Variants in FSD1L observed in about 807,000 individuals in gnomAD.
FSD1L encodes FSD1-like protein.
Under a neutral mutation model 71.6 loss-of-function variants are expected in FSD1L, and 45 were observed. The observed-to-expected ratio is 0.63, with a 90% CI of 0.49 to 0.81. The LOEUF (loss-of-function observed/expected upper bound fraction) is 0.81. FSD1L is among the 30% of genes least tolerant of loss of function. The pLI is 0.00. For missense variants in FSD1L, 561 were observed against 618.1 expected (o/e 0.91, Z 0.98); for synonymous variants, 197 against 207.2 (o/e 0.95, Z 0.42).
At chr9:105,508,785 C>A in intron 9 of FSD1L, 70 bp downstream of exon 9, 2 of 890,546 alleles carry the variant, frequency 2.2e-6, no homozygotes, top group Non-Finnish European at 3.4e-6. Flanking sequence ...AACTTTGTAA[C>A]AGGAAGCACT....
At chr9:105,496,872 A>T (rs558009567) in intron 7 of FSD1L, among the ~76,000 whole-genome samples, 80 of 152,348 alleles carry the variant, frequency 5.3e-4, no homozygotes, top group African/African-American at 1.9e-3. Context: ...GTATTGTCGT[A>T]CTGCATTACC....
rs537728402 is a variant in FSD1L, at chr9:105,545,213, A to T, written c.1468-1145A>T. Among the ~76,000 whole-genome samples, 1,315 of 146,910 alleles carry T rather than the reference A, an allele frequency of 9.0e-3. 94 individuals carry two copies. Among genetic ancestry groups the T allele is most frequent in the African/African-American group, 0.033 (1,258 of 37,946 alleles). Reference sequence around the variant, plus strand: ...AATTGTGAATGGGAGTTCACTCATGATTTGGCTCTCTGTTTGTTATTGGTG... The same window carrying T: ...AATTGTGAATGGGAGTTCACTCATGTTTTGGCTCTCTGTTTGTTATTGGTG... On this transcript the variant is annotated intron_variant, in intron 13 of 13. Transcript: ENST00000481272.
chr9:105,535,144 G>C lies in FSD1L; in HGVS notation c.1204G>C (p.Val402Leu). ...GGATTGTAAATCCTACAGTGTGGGA[G>C]TAGCATACAAAACGTTGGGGAAATT... The part of the protein sequence containing the change: ...QKDCKSYSVG[V>L]AYKTLGKFDQ... Residue 402 changes from valine (V) to leucine (L), a missense_variant, in exon 12 of 14, where the codon GTA becomes CTA. Physicochemically the swap from Val to Leu is conservative, Grantham distance 32 (BLOSUM62 1). This residue lies in a region of FSD1L where 53 missense variants were observed against 102.2 expected (regional missense o/e 0.52). Transcript: ENST00000481272. 1 of 1,551,880 alleles carries C rather than the reference G, an allele frequency of 6.4e-7. No individual in the cohort carries two copies. The highest frequency in any genetic ancestry group is 8.7e-7 in the Non-Finnish European group (1 of 1,146,954).
At position 105,508,554 on chromosome 9, in the gene FSD1L, C is replaced by G. The variant is rs199998457; in HGVS notation, c.797-63C>G. The G allele has an allele frequency of 1.3e-4, 120 of 934,024 alleles. No individual in the cohort carries two copies. The East Asian group carries it at 1.5e-3, about 12-fold the overall frequency. The allele number at this position is 934,024 out of a possible 1,614,324, so 57.9% of individuals were successfully genotyped here. A position where few individuals can be genotyped will look rare whatever the true frequency, so the allele number is the denominator to read the frequency against. The stretch of plus-strand genomic sequence containing the variant: ...TTCTTAATGCCTGAAGGCTCATACT[C>G]TTACTTTTGGGAATAGAATCCTTTA... On this transcript the variant is annotated intron_variant, in intron 8 of 13. Coordinates refer to ENST00000481272, the MANE Select transcript of FSD1L (RefSeq NM_001145313.3).
chr9:105,488,695 GT>G (rs971270644), intron 7 of FSD1L, among the ~76,000 whole-genome samples: 1 of 151,654 alleles, frequency 6.6e-6, no homozygotes, highest in Non-Finnish European at 1.5e-5. Flanking sequence ...GTATTTTATT[GT>G]TTTTTAAAAT....
intron 10 of FSD1L, chr9:105,525,956 A>G: frequency 6.4e-7 from 1 of 1,570,608 alleles, no homozygotes; most frequent in Non-Finnish European, 8.8e-7. Context: ...CATTTGGGAA[A>G]TGATGAAGTG....
intron 7 of FSD1L, among the ~76,000 whole-genome samples, chr9:105,485,772 T>A (rs1282056978): frequency 6.6e-6 from 1 of 151,798 alleles, no homozygotes; most frequent in East Asian, 1.9e-4. Flanking sequence ...GCCTCCCAAG[T>A]AGCTGGGACT....
chr9:105,508,601 G>C lies in FSD1L; in HGVS notation c.797-16G>C. 6.7e-7 allele frequency: 1 copy of C among 1,487,764 alleles called. No homozygotes were observed. Among genetic ancestry groups the C allele is most frequent in the Non-Finnish European group, 9.2e-7 (1 of 1,089,346 alleles). The allele number at this position is 1,487,764 out of a possible 1,614,324, so 92.2% of individuals were successfully genotyped here. ...TTTACTGTACATGTCTGAAAACCATGTTTTCGTTTCTTCAGGCTTAAAATT... is the reference window on the plus strand; with the variant it reads ...TTTACTGTACATGTCTGAAAACCATCTTTTCGTTTCTTCAGGCTTAAAATT... On this transcript the variant is annotated splice_polypyrimidine_tract_variant and intron_variant, in intron 8 of 13. Coordinates refer to ENST00000481272, the MANE Select transcript of FSD1L (RefSeq NM_001145313.3).
intron 13 of FSD1L, among the ~76,000 whole-genome samples, chr9:105,542,725 G>C (rs1265686449): frequency 6.6e-6 from 1 of 152,142 alleles, no homozygotes. Flanking sequence ...CAAAATCCTG[G>C]GATTACAGGC....
intron 10 of FSD1L, chr9:105,526,432 A>G: frequency 6.2e-7 from 1 of 1,613,156 alleles, no homozygotes; most frequent in South Asian, 1.1e-5. Context: ...CAGCGCAGGT[A>G]GATGGGGCTG....
rs1158022355 is a variant in FSD1L, at chr9:105,508,640, A to G, written c.820A>G (p.Met274Val). 1.5e-5 allele frequency: 24 copies of G among 1,550,612 alleles called. No homozygotes were observed. The highest frequency in any genetic ancestry group is 1.9e-5 in the Non-Finnish European group (22 of 1,145,920). ...LSGLKFDSKY[M>V]NFRVRACNKA... Reference sequence around the variant, plus strand: ...AGGCTTAAAATTTGATTCAAAGTATATGAATTTCAGAGTGCGAGCTTGTAA... The same window carrying G: ...AGGCTTAAAATTTGATTCAAAGTATGTGAATTTCAGAGTGCGAGCTTGTAA... The change falls in exon 9 of 14, where the codon ATG becomes GTG. Residue 274 changes from methionine to valine, a missense_variant. Physicochemically the swap from Met to Val is conservative, Grantham distance 21. This residue lies in a region of FSD1L where 410 missense variants were observed against 413.5 expected (regional missense o/e 0.99). Transcript: ENST00000481272.
chr9:105,535,388 T>G, intron 12 of FSD1L, 70 bp downstream of exon 12: 2 of 1,457,450 alleles, frequency 1.4e-6, no homozygotes, highest in Admixed American at 4.0e-5. Context: ...CTGGTAATCA[T>G]CTATACAGGA....
At chr9:105,529,461 A>T (rs574967067) in intron 10 of FSD1L, among the ~76,000 whole-genome samples, 1 of 152,340 alleles carries the variant, frequency 6.6e-6, no homozygotes, top group South Asian at 2.1e-4. Flanking sequence ...GGATGAGTTC[A>T]TGTCCTTTGC....
At chr9:105,501,452 A>G (rs534797162) in intron 7 of FSD1L, among the ~76,000 whole-genome samples, 10 of 151,878 alleles carry the variant, frequency 6.6e-5, no homozygotes, top group East Asian at 1.9e-4. Context: ...GAGACAGGGT[A>G]TTTCTCTATC....
At chr9:105,498,190 T>TTTA (rs61620098) in intron 7 of FSD1L, among the ~76,000 whole-genome samples, 17,413 of 143,280 alleles carry the variant, frequency 0.12, 1,425 homozygotes, top group African/African-American at 0.23. Flanking sequence ...TTGCTTTGGC[T>TTTA]TTATTATTAT....
intron 9 of FSD1L, 69 bp downstream of exon 9, chr9:105,508,784 A>G: frequency 1.1e-6 from 1 of 889,422 alleles, no homozygotes; most frequent in Middle Eastern, 2.2e-4. Flanking sequence ...TAACTTTGTA[A>G]CAGGAAGCAC....
chr9:105,497,383 G>C (rs1833481001), intron 7 of FSD1L, among the ~76,000 whole-genome samples: 1 of 152,158 alleles, frequency 6.6e-6, no homozygotes, highest in Non-Finnish European at 1.5e-5. Flanking sequence ...CTCATAGAAA[G>C]AGTTAGGAAG....
intron 10 of FSD1L, chr9:105,525,972 T>C (rs1052887594): frequency 6.4e-5 from 101 of 1,572,824 alleles, no homozygotes; most frequent in Non-Finnish European, 8.5e-5. Context: ...AAGTGCACAT[T>C]GTTTGGTCAG....
At chr9:105,466,510 T>C (rs1831082532) in intron 3 of FSD1L, among the ~76,000 whole-genome samples, 1 of 152,108 alleles carries the variant, frequency 6.6e-6, no homozygotes, top group Admixed American at 6.5e-5. Flanking sequence ...CTGGCCAACA[T>C]TGTGAAACCC....
Sources: allele counts gnomAD v4.1 joint callset (sites outside exome capture counted in the v4.1 genomes callset), GRCh38; gene constraint gnomAD v4.1.1; regional missense constraint gnomAD v4.1.1; transcripts MANE v1.5; gene names NCBI Gene and HGNC (gene_info 2026-07-23, HGNC 2026-07-21).